The following PARD3 variants were observed in gnomAD, a reference collection of about 807,000 sequenced individuals.
PARD3 encodes par-3 family cell polarity regulator, also known as partitioning defective 3 homolog.
PARD3 carries 75 observed loss-of-function variants against 155.4 expected under a neutral mutation model. The ratio of observed to expected loss-of-function variants is 0.48; its 90% CI spans 0.40 to 0.58. PARD3 has a LOEUF of 0.58. Ranked by LOEUF, PARD3 falls within the 20% of genes least tolerant of loss-of-function variation. The pLI is 0.00. For missense variants in PARD3, 1,642 were observed against 1,721.7 expected (o/e 0.95, Z 0.82); for synonymous variants, 576 against 610.5 (o/e 0.94, Z 0.83).
intron 1 of PARD3, among the ~76,000 whole-genome samples, chr10:34,732,917 A>G (rs1358326874): frequency 6.6e-6 from 1 of 152,158 alleles, no homozygotes; most frequent in Non-Finnish European, 1.5e-5. Flanking sequence ...AAATAGCAAC[A>G]TGAGGGACAG....
intron 22 of PARD3, among the ~76,000 whole-genome samples, chr10:34,180,384 AT>A: frequency 6.6e-6 from 1 of 152,264 alleles, no homozygotes; most frequent in South Asian, 2.1e-4. Context: ...AACAATCCAA[AT>A]TACACTGTTT....
intron 22 of PARD3, among the ~76,000 whole-genome samples, chr10:34,156,073 T>A (rs1036727): frequency 0.2 from 29,592 of 151,500 alleles, 3,209 homozygotes; most frequent in Middle Eastern, 0.36. Context: ...AGGCTACAGA[T>A]AAGTATTAAA....
At chr10:34,510,575 A>T (rs943492192) in intron 3 of PARD3, among the ~76,000 whole-genome samples, 4 of 152,232 alleles carry the variant, frequency 2.6e-5, no homozygotes, top group African/African-American at 9.6e-5. Flanking sequence ...ATTCAAGCCT[A>T]AAAAAGATTA....
At chr10:34,539,912 T>C (rs1264557422) in intron 2 of PARD3, among the ~76,000 whole-genome samples, 1 of 152,192 alleles carries the variant, frequency 6.6e-6, no homozygotes, top group Non-Finnish European at 1.5e-5. Flanking sequence ...CTGAGAGTGG[T>C]TGTGAAACAT....
At chr10:34,378,607 A>C (rs75168315) in intron 9 of PARD3, among the ~76,000 whole-genome samples, 2 of 152,200 alleles carry the variant, frequency 1.3e-5, no homozygotes, top group Non-Finnish European at 2.9e-5. Flanking sequence ...GGAACCTCCC[A>C]AAATCATAAT....
intron 2 of PARD3, among the ~76,000 whole-genome samples, chr10:34,621,879 T>C (rs185048078): frequency 3.3e-4 from 51 of 152,262 alleles, no homozygotes; most frequent in African/African-American, 1.1e-3. Flanking sequence ...TAAAATGTAT[T>C]TTGATAAAGT....
At chr10:34,315,309 C>G (rs993522423) in intron 20 of PARD3, among the ~76,000 whole-genome samples, 3 of 152,154 alleles carry the variant, frequency 2.0e-5, no homozygotes, top group Admixed American at 6.5e-5. Flanking sequence ...GAAAGCTCTA[C>G]CATAGGCCTT....
rs71033342 is a variant in PARD3, at chr10:34,725,105, TTGTGTGTGTGTGTGTGTG to T, written c.121-28704_121-28687del. On this transcript the variant is annotated intron_variant, in intron 1 of 24. Coordinates refer to ENST00000374788, the MANE Select transcript of PARD3 (RefSeq NM_001184785.2). ...TAAAAGGATTGAATGAGTCAAAACT[TTGTGTGTGTGTGTGTGTG>T]TGTGTGTGTGTGTGTGTGTGTGTGT... 1.0e-4 allele frequency among the ~76,000 whole-genome samples: 14 copies of T among 135,880 alleles called. No homozygotes were observed. The East Asian group carries it at 1.6e-3, about 15-fold the overall frequency. 89.1% of individuals were successfully genotyped at this position (135,880 alleles called of 152,430 possible). A position where few individuals can be genotyped will look rare whatever the true frequency, so the allele number is the denominator to read the frequency against.
chr10:34,244,735 ATCT>A (rs1310250157), intron 22 of PARD3, among the ~76,000 whole-genome samples: 1 of 152,212 alleles, frequency 6.6e-6, no homozygotes, highest in Non-Finnish European at 1.5e-5. Context: ...ATATAAAGGA[ATCT>A]TCTTAAATAA....
chr10:34,572,796 A>T (rs1249376141), intron 2 of PARD3, among the ~76,000 whole-genome samples: 1 of 149,832 alleles, frequency 6.7e-6, no homozygotes, highest in Non-Finnish European at 1.5e-5. Context: ...ATATGGCCTG[A>T]TTTTTTTTTT....
chr10:34,296,497 T>C (rs1956917201), intron 20 of PARD3, among the ~76,000 whole-genome samples: 1 of 152,158 alleles, frequency 6.6e-6, no homozygotes, highest in African/African-American at 2.4e-5. Flanking sequence ...CCAAAGTGCT[T>C]GGATTAAAAG....
At chr10:34,721,608 G>A (rs1394280073) in intron 1 of PARD3, among the ~76,000 whole-genome samples, 1 of 152,160 alleles carries the variant, frequency 6.6e-6, no homozygotes, top group Non-Finnish European at 1.5e-5. Flanking sequence ...GGTTCCCAAG[G>A]GAGCAAGACC....
At chr10:34,224,234 T>A (rs1051043378) in intron 22 of PARD3, among the ~76,000 whole-genome samples, 3 of 152,232 alleles carry the variant, frequency 2.0e-5, no homozygotes, top group Non-Finnish European at 4.4e-5. Context: ...AATATCTGAA[T>A]ACATTGCTCA....
intron 22 of PARD3, among the ~76,000 whole-genome samples, chr10:34,140,044 CA>C (rs2132854576): frequency 6.6e-6 from 1 of 152,252 alleles, no homozygotes; most frequent in Admixed American, 6.5e-5. Flanking sequence ...TGAGCAAACA[CA>C]GGTTTCTCAT....
intron 2 of PARD3, among the ~76,000 whole-genome samples, chr10:34,605,973 A>ATCTCCTATATATATATC (rs1349797373): frequency 3.2e-3 from 3 of 934 alleles, no homozygotes; most frequent in Non-Finnish European, 6.7e-3. Context: ...TCCTATATCT[A>ATCTCCTATATATATATC]TATCTCCTAT....
rs1477240639 is a variant in PARD3, at chr10:34,600,903, TC to T, written c.223-83745del. 2.0e-5 allele frequency among the ~76,000 whole-genome samples: 3 copies of T among 149,868 alleles called. No individual in the cohort carries two copies. The East Asian group carries it at 6.0e-4, about 30-fold the overall frequency. On this transcript the variant is annotated intron_variant, in intron 2 of 24. Coordinates refer to ENST00000374788, the MANE Select transcript of PARD3 (RefSeq NM_001184785.2). Reference sequence around the variant, plus strand: ...TCAAGCTCAAGTGATAATTCCCACCTCAGCCTCCCAAGCAGCTGAGACCACA... The same window carrying T: ...TCAAGCTCAAGTGATAATTCCCACCTAGCCTCCCAAGCAGCTGAGACCACA...
At chr10:34,571,410 T>C (rs189560261) in intron 2 of PARD3, among the ~76,000 whole-genome samples, 6 of 152,336 alleles carry the variant, frequency 3.9e-5, no homozygotes, top group South Asian at 2.1e-4. Context: ...CTGCTGATGA[T>C]AGTAAAAGGA....
chr10:34,740,827 C>A (rs2094996238), intron 1 of PARD3, among the ~76,000 whole-genome samples: 1 of 152,090 alleles, frequency 6.6e-6, no homozygotes, highest in African/African-American at 2.4e-5. Flanking sequence ...ACTAATTATA[C>A]CAAGTAGGGT....
intron 21 of PARD3, 114 bp downstream of exon 21, chr10:34,284,020 AG>A: frequency 1.5e-6 from 1 of 667,620 alleles, no homozygotes; most frequent in South Asian, 1.8e-5. Context: ...GGGTTGATAC[AG>A]GAAATATGAA....
Sources: gnomAD v4.1 joint callset for allele counts (sites outside exome capture counted in the v4.1 genomes callset) on GRCh38, gnomAD v4.1.1 for gene constraint, MANE v1.5 for transcripts, NCBI Gene and HGNC (gene_info 2026-07-23, HGNC 2026-07-21) for gene names.